The following SFXN1 variants were observed in gnomAD, a reference collection of about 807,000 sequenced individuals.
SFXN1 encodes sideroflexin 1, also known as sideroflexin-1.
In SFXN1, 32 loss-of-function variants were observed where a neutral mutation model predicts 39.5. The ratio of observed to expected loss-of-function variants is 0.81; its 90% CI spans 0.61 to 1.09. SFXN1 has a LOEUF of 1.09. Among genes scored for constraint, SFXN1 ranks in the 50% least tolerant of loss-of-function variants. SFXN1 has a pLI of 0.00. For missense variants in SFXN1, 402 were observed against 407.1 expected (o/e 0.99, Z 0.11); for synonymous variants, 136 against 146.5 (o/e 0.93, Z 0.52).
intron 2 of SFXN1, among the ~76,000 whole-genome samples, chr5:175,493,507 G>A: frequency 6.6e-6 from 1 of 152,156 alleles, no homozygotes; most frequent in Middle Eastern, 3.2e-3. Context: ...ATGTGCCAAT[G>A]TGCGTAAAGA....
intron 2 of SFXN1, 182 bp downstream of exon 2, chr5:175,492,449 T>A: frequency 1.9e-6 from 1 of 538,174 alleles, no homozygotes; most frequent in Non-Finnish European, 3.2e-6. Flanking sequence ...TGCTCGCCCT[T>A]AACACAGATA....
intron 7 of SFXN1, among the ~76,000 whole-genome samples, 200 bp from the exon 8 acceptor site, chr5:175,516,414 C>T (rs1191043559): frequency 6.6e-6 from 1 of 152,010 alleles, no homozygotes; most frequent in East Asian, 1.9e-4. Flanking sequence ...TATTACTGTT[C>T]AAAAATTTAG....
In SFXN1 at chr5:175,526,794, G is replaced by C; in HGVS notation, c.*60G>C. On this transcript the variant is annotated 3_prime_UTR_variant, in exon 11 of 11. Coordinates refer to ENST00000321442, the MANE Select transcript of SFXN1 (RefSeq NM_022754.7). ...CTGCAAAGCTGGTGTAGCCATGCTG[G>C]TGAGAAAAATCCTGTTCAACCTGGG... is the stretch of plus-strand genomic sequence containing the variant. 7.0e-6 allele frequency: 10 copies of C among 1,421,074 alleles called. No homozygotes were observed. The highest frequency in any genetic ancestry group is 8.9e-6 in the Non-Finnish European group (9 of 1,007,558). 88.0% of individuals were successfully genotyped at this position (1,421,074 alleles called of 1,614,324 possible).
chr5:175,514,559 G>A (rs999576806), intron 7 of SFXN1, among the ~76,000 whole-genome samples: 1 of 152,086 alleles, frequency 6.6e-6, no homozygotes, highest in African/African-American at 2.4e-5. Context: ...ACAGCGCTTG[G>A]CAATTAAAAT....
intron 6 of SFXN1, among the ~76,000 whole-genome samples, chr5:175,512,464 A>G (rs937427987): frequency 2.6e-5 from 4 of 152,342 alleles, no homozygotes; most frequent in East Asian, 3.9e-4. Flanking sequence ...CTATGTCCGT[A>G]TAATAAAAAG....
intron 2 of SFXN1, among the ~76,000 whole-genome samples, chr5:175,497,172 A>ATTATAG (rs1291776008): frequency 6.6e-6 from 1 of 152,184 alleles, no homozygotes; most frequent in African/African-American, 2.4e-5. Flanking sequence ...TACAGGCGTG[A>ATTATAG]GCCACCATGC....
chr5:175,483,686 C>T (rs1759339571), intron 1 of SFXN1: 2 of 152,036 alleles, frequency 1.3e-5, no homozygotes, highest in Admixed American at 1.3e-4. Context: ...AGTCCTGAAG[C>T]CAGCTAATAA....
rs1253579696 is a variant in SFXN1, at chr5:175,514,163, G to T, written c.724+573G>T. On this transcript the variant is annotated intron_variant, in intron 7 of 10. Transcript: ENST00000321442. ...AGGAGAATGAGAATATTCAGTGGAG[G>T]CTGTGCGGGGAGGCTGCCTCAGTAA... Among the ~76,000 whole-genome samples the T allele has an allele frequency of 7.2e-5, 11 of 152,088 alleles. No individual in the cohort carries two copies. The East Asian group carries it at 1.9e-3, about 27-fold the overall frequency.
At chr5:175,484,769 A>G (rs1409888511) in intron 1 of SFXN1, among the ~76,000 whole-genome samples, 1 of 152,220 alleles carries the variant, frequency 6.6e-6, no homozygotes, top group Non-Finnish European at 1.5e-5. Flanking sequence ...TATGTTGCCC[A>G]GTGTGGTCTC....
chr5:175,490,073 G>A (rs1759602567), intron 1 of SFXN1, among the ~76,000 whole-genome samples: 1 of 152,104 alleles, frequency 6.6e-6, no homozygotes, highest in Admixed American at 6.5e-5. Flanking sequence ...TTGCAATGTT[G>A]TGTCCAAAAG....
chr5:175,518,836 C>A (rs116359303), intron 8 of SFXN1, among the ~76,000 whole-genome samples: 6,644 of 152,144 alleles, frequency 0.044, 497 homozygotes, highest in African/African-American at 0.15. Flanking sequence ...ACGGGCTAGG[C>A]AAAGACTTAT....
At chr5:175,518,198 G>T (rs1760773418) in intron 8 of SFXN1, among the ~76,000 whole-genome samples, 1 of 152,056 alleles carries the variant, frequency 6.6e-6, no homozygotes, top group Non-Finnish European at 1.5e-5. Flanking sequence ...CTTTAAACTT[G>T]GGTCATTCTT....
intron 2 of SFXN1, among the ~76,000 whole-genome samples, chr5:175,502,963 G>T (rs1327621235): frequency 6.6e-6 from 1 of 152,102 alleles, no homozygotes; most frequent in African/African-American, 2.4e-5. Context: ...AGTCAAAGAG[G>T]TCAGACACAA....
At chr5:175,497,879 G>A (rs891532800) in intron 2 of SFXN1, among the ~76,000 whole-genome samples, 2 of 148,346 alleles carry the variant, frequency 1.3e-5, no homozygotes, top group African/African-American at 2.5e-5. Context: ...GTAGTGAGCC[G>A]AGATTGCGCC....
At chr5:175,493,906 A>G (rs1210834828) in intron 2 of SFXN1, among the ~76,000 whole-genome samples, 2 of 152,172 alleles carry the variant, frequency 1.3e-5, no homozygotes, top group African/African-American at 4.8e-5. Flanking sequence ...TGTTTTTACA[A>G]CCCTCTAAAA....
Position 175,504,752 on chromosome 5 carries a change from G to A in SFXN1, c.165-4280G>A, listed in dbSNP as rs148058255. On this transcript the variant is annotated intron_variant, in intron 2 of 10. Transcript: ENST00000321442. ...AATTTTTTTTGGGCGGGGAGGGTGC[G>A]GAGTCTTGCTCTGTCGCCCAGGCTG... 4.5e-4 allele frequency among the ~76,000 whole-genome samples: 69 copies of A among 151,986 alleles called. No homozygotes were observed. The East Asian group carries it at 5.7e-3, about 12-fold the overall frequency.
chr5:175,524,590 G>C (rs1761002293), intron 10 of SFXN1, among the ~76,000 whole-genome samples: 1 of 150,244 alleles, frequency 6.7e-6, no homozygotes, highest in South Asian at 2.1e-4. Flanking sequence ...AAGAATAGCT[G>C]AAAATCAATG....
chr5:175,492,778 TGA>T (rs1759708658), intron 2 of SFXN1, among the ~76,000 whole-genome samples: 3 of 152,104 alleles, frequency 2.0e-5, no homozygotes, highest in Admixed American at 1.3e-4. Flanking sequence ...CGCCATCAGT[TGA>T]GAGAACCATG....
intron 3 of SFXN1, 36 bp downstream of exon 3, chr5:175,509,238 A>G (rs759532787): frequency 6.5e-7 from 1 of 1,540,922 alleles, no homozygotes; most frequent in South Asian, 1.2e-5. Flanking sequence ...TGTGTTTACC[A>G]TTACAGAAGC....
Sources: gnomAD v4.1 joint callset for allele counts (sites outside exome capture counted in the v4.1 genomes callset) on GRCh38, gnomAD v4.1.1 for gene constraint, MANE v1.5 for transcripts, NCBI Gene and HGNC (gene_info 2026-07-23, HGNC 2026-07-21) for gene names.